Variants in HABP2 observed in about 807,000 individuals in gnomAD.
HABP2 encodes factor VII-activating protease.
In HABP2, 65 loss-of-function variants were observed where a neutral mutation model predicts 66.5. That is an observed-to-expected ratio of 0.98 (90% CI 0.80 to 1.20). The LOEUF (loss-of-function observed/expected upper bound fraction) is 1.20. Among genes scored for constraint, HABP2 ranks in the 50% most tolerant of loss-of-function variants. HABP2 has a pLI of 0.00. For synonymous variants in HABP2, 263 were observed against 253.9 expected (o/e 1.04, Z -0.34); for missense variants, 786 against 691.0 (o/e 1.14, Z -1.54).
chr10:113,585,353 C>T (rs1848503872), intron 11 of HABP2, among the ~76,000 whole-genome samples: 1 of 152,156 alleles, frequency 6.6e-6, no homozygotes, highest in African/African-American at 2.4e-5. Context: ...ACTTTATGTT[C>T]AAAACATGTT....
intron 1 of HABP2, among the ~76,000 whole-genome samples, chr10:113,557,513 A>C (rs1281322223): frequency 6.6e-6 from 1 of 152,190 alleles, no homozygotes; most frequent in Non-Finnish European, 1.5e-5. Context: ...CGGGATTTTA[A>C]ATAAAACATG....
intron 1 of HABP2, among the ~76,000 whole-genome samples, chr10:113,558,844 A>T (rs1592681886): frequency 6.6e-6 from 1 of 150,550 alleles, no homozygotes; most frequent in Non-Finnish European, 1.5e-5. Flanking sequence ...GGTTTTGTCC[A>T]CTTGCTTGTC....
Position 113,588,312 on chromosome 10 carries a change from A to C in HABP2, c.1626A>C (p.Gln542His). The change falls in exon 13 of 13, where the codon CAA (glutamine) becomes CAC (histidine). Residue 542 changes from glutamine to histidine, a missense_variant. Physicochemically the swap from Gln to His is conservative, Grantham distance 24. Transcript: ENST00000351270. ...ECGKRPGVYT[Q>H]VTKFLNWIKA... ...GGAAGAGGCCAGGGGTCTACACCCA[A>C]GTTACCAAATTCCTGAATTGGATCA... The C allele has an allele frequency of 6.2e-7, 1 of 1,613,758 alleles. No individual in the cohort carries two copies.
At position 113,589,561 on chromosome 10, in the gene HABP2, G is replaced by C; in HGVS notation, c.*1192G>C. 3.6e-6 allele frequency: 5 copies of C among 1,375,374 alleles called. No individual in the cohort carries two copies. The highest frequency in any genetic ancestry group is 1.4e-5 in the South Asian group (1 of 73,544). The allele number at this position is 1,375,374 out of a possible 1,614,324, so 85.2% of individuals were successfully genotyped here. On this transcript the variant is annotated 3_prime_UTR_variant, in exon 13 of 13. Coordinates refer to ENST00000351270, the MANE Select transcript of HABP2 (RefSeq NM_004132.5). The stretch of plus-strand genomic sequence containing the variant: ...TTGAGCTGCGTTTCACACTTCTTTA[G>C]AGCTAGCTGACCTTTGGCCAAAAAT...
At position 113,559,093 on chromosome 10, in the gene HABP2, G is replaced by A. The variant is rs376056818; in HGVS notation, c.69+5903G>A. Among the ~76,000 whole-genome samples the A allele has an allele frequency of 2.6e-4, 39 of 152,302 alleles. 1 individual carries two copies. The South Asian group carries it at 7.3e-3, about 28-fold the overall frequency. ...TGGTGTCAAACTCCTGACCTTAAGTGATCCACCCGCCCTGGCCTCCCAAAG... is the reference window on the plus strand; with the variant it reads ...TGGTGTCAAACTCCTGACCTTAAGTAATCCACCCGCCCTGGCCTCCCAAAG... On this transcript the variant is annotated intron_variant, in intron 1 of 12. Coordinates refer to ENST00000351270, the MANE Select transcript of HABP2 (RefSeq NM_004132.5).
chr10:113,566,099 C>T (rs1400809749), intron 1 of HABP2, among the ~76,000 whole-genome samples: 1 of 152,176 alleles, frequency 6.6e-6, no homozygotes, highest in African/African-American at 2.4e-5. Flanking sequence ...AGGGTAGAAG[C>T]AGCAAATATA....
chr10:113,580,608 G>T lies in HABP2; in HGVS notation c.754G>T (p.Asp252Tyr), dbSNP rs1845507510. ...TTTGTATTTTAGAAACCCAGATGCG[G>T]ACGAAAAGCCCTGGTGCTTTATTAA... The part of the protein sequence containing the change: ...EHNFCRNPDA[D>Y]EKPWCFIKVT... The change falls in exon 8 of 13, where the codon GAC becomes TAC. Residue 252 changes from aspartate to tyrosine, a missense_variant. Coordinates refer to ENST00000351270, the MANE Select transcript of HABP2 (RefSeq NM_004132.5). 1.3e-6 allele frequency: 2 copies of T among 1,577,048 alleles called. No homozygotes were observed. Among genetic ancestry groups the T allele is most frequent in the South Asian group, 2.2e-5 (2 of 90,286 alleles).
Position 113,588,616 on chromosome 10 carries a change from GC to G in HABP2, c.*248del, listed in dbSNP as rs1422342041. 4 of 533,070 alleles carry G rather than the reference GC, an allele frequency of 7.5e-6. No individual in the cohort carries two copies. Among genetic ancestry groups the G allele is most frequent in the Non-Finnish European group, 1.3e-5 (4 of 304,482 alleles). 33.0% of individuals were successfully genotyped at this position (533,070 alleles called of 1,614,324 possible). A position where few individuals can be genotyped will look rare whatever the true frequency, so the allele number is the denominator to read the frequency against. ...GGAATCAACACAACATAGTATGTTT[GC>G]TTTCCTTACCCAATTGTACCTTCTA... On this transcript the variant is annotated 3_prime_UTR_variant, in exon 13 of 13. Coordinates refer to ENST00000351270, the MANE Select transcript of HABP2 (RefSeq NM_004132.5).
At chr10:113,564,735 G>A (rs141471311) in intron 1 of HABP2, among the ~76,000 whole-genome samples, 357 of 152,244 alleles carry the variant, frequency 2.3e-3, no homozygotes, top group African/African-American at 8.0e-3. Flanking sequence ...TTAACATGTC[G>A]TTATGGTTGC....
At position 113,577,199 on chromosome 10, in the gene HABP2, T is replaced by C; in HGVS notation, c.381T>C (p.Ile127=). 1 of 1,613,418 alleles carries C rather than the reference T, an allele frequency of 6.2e-7. No individual in the cohort carries two copies. The highest frequency in any genetic ancestry group is 8.5e-7 in the Non-Finnish European group (1 of 1,179,314). The part of the protein sequence containing the change: ...DNPCGRGQCL[I]TQSPPYYRCV... ...CATGTGGCCGGGGCCAATGTCTCAT[T>C]ACCCAGAGTCCTCCCTACTACCGCT... Residue 127 remains isoleucine (I), a synonymous_variant, in exon 5 of 13, where the codon ATT becomes ATC. Coordinates refer to ENST00000351270, the MANE Select transcript of HABP2 (RefSeq NM_004132.5).
intron 1 of HABP2, among the ~76,000 whole-genome samples, chr10:113,555,816 G>T (rs1844981859): frequency 6.6e-6 from 1 of 152,180 alleles, no homozygotes; most frequent in Non-Finnish European, 1.5e-5. Context: ...CAGGATTGGG[G>T]CCAGGTCTGT....
intron 6 of HABP2, 35 bp from the exon 7 acceptor site, chr10:113,578,592 T>C: frequency 6.5e-7 from 1 of 1,538,510 alleles, no homozygotes; most frequent in Non-Finnish European, 8.9e-7. Flanking sequence ...TGCCAATGGC[T>C]GTTGGTTCTC....
rs769284941 is a variant in HABP2, at chr10:113,588,263, T to C, written c.1577T>C (p.Ile526Thr). 1.2e-6 allele frequency: 2 copies of C among 1,613,608 alleles called. No individual in the cohort carries two copies. The highest frequency in any genetic ancestry group is 1.7e-6 in the Non-Finnish European group (2 of 1,179,762). ...EKDGTYYVYG[I>T]VSWGLECGKR... Reference sequence around the variant, plus strand: ...GACGGCACCTACTACGTCTATGGGATAGTGAGCTGGGGCCTGGAGTGTGGG... The same window carrying C: ...GACGGCACCTACTACGTCTATGGGACAGTGAGCTGGGGCCTGGAGTGTGGG... Residue 526 changes from isoleucine (I) to threonine (T), a missense_variant, in exon 13 of 13, where the codon ATA (isoleucine) becomes ACA (threonine). Physicochemically the swap from Ile to Thr is moderately conservative, Grantham distance 89 (BLOSUM62 -1). Transcript: ENST00000351270.
At chr10:113,588,160 T>C in intron 12 of HABP2, 45 bp from the exon 13 acceptor site, 2 of 1,509,906 alleles carry the variant, frequency 1.3e-6, no homozygotes, top group South Asian at 1.3e-5. Context: ...CATCTCCAGA[T>C]GTCTCTGGTT....
At chr10:113,576,821 G>C (rs546843186) in intron 4 of HABP2, among the ~76,000 whole-genome samples, 4 of 152,202 alleles carry the variant, frequency 2.6e-5, no homozygotes, top group Admixed American at 2.6e-4. Flanking sequence ...TCTCAGAAAA[G>C]TGACAAAACT....
At position 113,589,329 on chromosome 10, in the gene HABP2, A is replaced by G; in HGVS notation, c.*960A>G. ...AGTAGGGTTCAAAATGCAGACTGTCATATCCAGCGAGTCCCTGACCCTTTC... is the reference window on the plus strand; with the variant it reads ...AGTAGGGTTCAAAATGCAGACTGTCGTATCCAGCGAGTCCCTGACCCTTTC... On this transcript the variant is annotated 3_prime_UTR_variant, in exon 13 of 13. Transcript: ENST00000351270. 1 of 575,206 alleles carries G rather than the reference A, an allele frequency of 1.7e-6. No individual in the cohort carries two copies. The highest frequency in any genetic ancestry group is 3.1e-6 in the Non-Finnish European group (1 of 325,412). The allele number at this position is 575,206 out of a possible 1,614,324, so 35.6% of individuals were successfully genotyped here.
intron 1 of HABP2, among the ~76,000 whole-genome samples, chr10:113,555,448 T>C (rs941387882): frequency 1.3e-5 from 2 of 152,106 alleles, no homozygotes; most frequent in African/African-American, 4.8e-5. Context: ...TGGAGTGTAA[T>C]GGACTCCACG....
At chr10:113,567,934 C>T (rs552963710) in intron 2 of HABP2, among the ~76,000 whole-genome samples, 5 of 152,312 alleles carry the variant, frequency 3.3e-5, no homozygotes, top group East Asian at 1.9e-4. Context: ...TCTTTTTGTG[C>T]GAGGGCGGCC....
At position 113,584,093 on chromosome 10, in the gene HABP2, C is replaced by G. The variant is rs911700; in HGVS notation, c.1238-55C>G. On this transcript the variant is annotated intron_variant, in intron 10 of 12. Coordinates refer to ENST00000351270, the MANE Select transcript of HABP2 (RefSeq NM_004132.5). The stretch of plus-strand genomic sequence containing the variant: ...CTTCATGAGCAAGTTGGAGCTGGTG[C>G]TTCTCTGACAAAGAGGTGACATCGC... 302,257 of 1,550,660 alleles carry G rather than the reference C, an allele frequency of 0.19. 32,313 individuals carry two copies. The highest frequency in any genetic ancestry group is 0.41 in the East Asian group (18,214 of 44,152).
Sources: allele counts gnomAD v4.1 joint callset (sites outside exome capture counted in the v4.1 genomes callset), GRCh38; gene constraint gnomAD v4.1.1; transcripts MANE v1.5; gene names NCBI Gene and HGNC (gene_info 2026-07-23, HGNC 2026-07-21).